Variants in KLF12 observed in about 807,000 individuals in gnomAD.
KLF12 encodes Krueppel-like factor 12.
A neutral mutation model predicts 37.8 loss-of-function variants in KLF12; 9 were observed. That is an observed-to-expected ratio of 0.24 (90% CI 0.14 to 0.42). The LOEUF is 0.42. Among genes scored for constraint, KLF12 ranks in the 10% least tolerant of loss-of-function variants. KLF12 has a pLI of 1.00. For synonymous variants in KLF12, 208 were observed against 202.1 expected (o/e 1.03, Z -0.25); for missense variants, 411 against 516.0 (o/e 0.80, Z 1.97).
chr13:73,768,851 G>A (rs1448492193), intron 5 of KLF12, among the ~76,000 whole-genome samples: 2 of 152,106 alleles, frequency 1.3e-5, no homozygotes, highest in Non-Finnish European at 2.9e-5. Flanking sequence ...ACACAGGTAC[G>A]TCTGACCTGT....
At chr13:74,282,454 C>A in the KLF12 span, among the ~76,000 whole-genome samples, 1 of 152,152 alleles carries the variant, frequency 6.6e-6, no homozygotes, top group African/African-American at 2.4e-5. Flanking sequence ...TCAGTGTTTT[C>A]TGTGGATTCA....
intron 6 of KLF12, among the ~76,000 whole-genome samples, chr13:73,763,768 A>C (rs112821972): frequency 0.01 from 1,564 of 152,186 alleles, 31 homozygotes; most frequent in African/African-American, 0.035. Flanking sequence ...TGATCATCAT[A>C]TTATTACTCC....
chr13:74,007,245 GAAAAAGACAGAAA>G (rs1892430918), intron 1 of KLF12, among the ~76,000 whole-genome samples: 1 of 19,182 alleles, frequency 5.2e-5, no homozygotes. Flanking sequence ...ACTGAAATCA[GAAAAAGACAGAAA>G]TCAGAAAAAG....
the KLF12 span, among the ~76,000 whole-genome samples, chr13:74,158,515 T>G: frequency 6.6e-6 from 1 of 152,082 alleles, no homozygotes; most frequent in Admixed American, 6.6e-5. Context: ...ACTTCTGAAC[T>G]TGGATTAGGA....
At chr13:73,801,386 T>C (rs1882271594) in intron 5 of KLF12, 2 of 152,126 alleles carry the variant, frequency 1.3e-5, no homozygotes, top group African/African-American at 4.8e-5. Flanking sequence ...TATGGTTTTC[T>C]ATCATGTGTA....
In KLF12 at chr13:73,804,595, T is replaced by C. The variant is rs185208497; in HGVS notation, c.806+8557A>G. 7.5e-4 allele frequency among the ~76,000 whole-genome samples: 114 copies of C among 152,284 alleles called. 2 individuals are homozygous for C. Among genetic ancestry groups the C allele is most frequent in the African/African-American group, 2.7e-3 (111 of 41,556 alleles). The stretch of plus-strand genomic sequence containing the variant: ...GAAGCTTAGAAGGCTGGTGGGCTGA[T>C]AATGGCAAAGCATATACTTTAGGTT... On this transcript the variant is annotated intron_variant, in intron 5 of 7. Transcript: ENST00000377669.
At position 73,750,505 on chromosome 13, in the gene KLF12, C is replaced by T. The variant is rs561077623; in HGVS notation, c.869+14433G>A. 1.7e-4 allele frequency among the ~76,000 whole-genome samples: 26 copies of T among 152,212 alleles called. No individual in the cohort carries two copies. In the South Asian group the frequency reaches 3.3e-3, roughly 19 times the overall value. ...GAGAAGGTGGAAAGAACATTACACACGGGCCAACAAATACAGTAAATCATG... is the reference window on the plus strand; with the variant it reads ...GAGAAGGTGGAAAGAACATTACACATGGGCCAACAAATACAGTAAATCATG... On this transcript the variant is annotated intron_variant, in intron 6 of 7. Transcript: ENST00000377669.
At chr13:73,848,078 G>T (rs1370612866) in intron 3 of KLF12, among the ~76,000 whole-genome samples, 1 of 152,082 alleles carries the variant, frequency 6.6e-6, no homozygotes, top group East Asian at 1.9e-4. Flanking sequence ...AACACCACTA[G>T]TTTGACTTTA....
intron 7 of KLF12, among the ~76,000 whole-genome samples, chr13:73,713,462 A>C (rs893716802): frequency 1.3e-5 from 2 of 152,250 alleles, no homozygotes; most frequent in African/African-American, 2.4e-5. Flanking sequence ...TAAAATACAC[A>C]TAAGTATGCA....
chr13:74,255,696 C>A, the KLF12 span, among the ~76,000 whole-genome samples: 1 of 152,162 alleles, frequency 6.6e-6, no homozygotes, highest in Non-Finnish European at 1.5e-5. Flanking sequence ...TGTTTTCTTG[C>A]TAAATAAGAT....
intron 1 of KLF12, among the ~76,000 whole-genome samples, chr13:74,097,826 AC>A (rs1202591801): frequency 6.6e-6 from 1 of 151,514 alleles, no homozygotes; most frequent in Non-Finnish European, 1.5e-5. Flanking sequence ...CACACTTCAG[AC>A]CCCAACTCCA....
intron 1 of KLF12, among the ~76,000 whole-genome samples, chr13:74,114,218 G>GTC: frequency 6.6e-6 from 1 of 152,210 alleles, no homozygotes; most frequent in Middle Eastern, 3.4e-3. Flanking sequence ...ACCCCGATCA[G>GTC]TCAGCAGCCA....
At chr13:73,910,865 GA>G (rs1285667599) in intron 3 of KLF12, among the ~76,000 whole-genome samples, 2 of 152,110 alleles carry the variant, frequency 1.3e-5, no homozygotes, top group South Asian at 4.1e-4. Context: ...GGTTATCATG[GA>G]AGTGAAACTG....
intron 1 of KLF12, among the ~76,000 whole-genome samples, chr13:74,104,227 G>A (rs542456051): frequency 5.0e-4 from 76 of 152,258 alleles, no homozygotes; most frequent in African/African-American, 1.8e-3. Flanking sequence ...AGACAGTTTT[G>A]AGTAGTGCAC....
At chr13:74,181,542 GA>G in the KLF12 span, among the ~76,000 whole-genome samples, 5 of 150,324 alleles carry the variant, frequency 3.3e-5, no homozygotes, top group African/African-American at 1.2e-4. Flanking sequence ...AACAAAAAAA[GA>G]AAAAAATTAG....
At chr13:73,738,124 T>TATATATATATATATATACACACAC (rs1305200790) in intron 6 of KLF12, among the ~76,000 whole-genome samples, 1 of 81,932 alleles carries the variant, frequency 1.2e-5, no homozygotes, top group Non-Finnish European at 2.2e-5. Flanking sequence ...TATATATATA[T>TATATATATATATATATACACACAC]ACACACACAC....
Position 73,902,160 on chromosome 13 carries a change from A to C in KLF12, c.123+41821T>G, listed in dbSNP as rs191321352. 2.6e-5 allele frequency among the ~76,000 whole-genome samples: 4 copies of C among 152,332 alleles called. No individual in the cohort carries two copies. The East Asian group carries it at 7.7e-4, about 29-fold the overall frequency. ...CAAAAGTGTAATTACTTGGACTTTT[A>C]TTATCCCAAAATACATACGGTGTGT... On this transcript the variant is annotated intron_variant, in intron 3 of 7. Coordinates refer to ENST00000377669, the MANE Select transcript of KLF12 (RefSeq NM_007249.5).
At chr13:74,174,753 C>T in the KLF12 span, among the ~76,000 whole-genome samples, 3 of 152,216 alleles carry the variant, frequency 2.0e-5, no homozygotes, top group African/African-American at 4.8e-5. Flanking sequence ...CTTCCATTTA[C>T]GCATTTGCTC....
the KLF12 span, among the ~76,000 whole-genome samples, chr13:74,272,302 C>G: frequency 1.3e-5 from 2 of 152,038 alleles, no homozygotes; most frequent in African/African-American, 4.8e-5. Context: ...GTTAAGACTC[C>G]CCTGATGTTC....
Sources: gnomAD v4.1 joint callset for allele counts (sites outside exome capture counted in the v4.1 genomes callset) on GRCh38, gnomAD v4.1.1 for gene constraint, MANE v1.5 for transcripts, NCBI Gene and HGNC (gene_info 2026-07-23, HGNC 2026-07-21) for gene names.